The following SCYL2 variants were observed in gnomAD, a reference collection of about 807,000 sequenced individuals.
SCYL2 encodes the protein SCY1-like protein 2.
SCYL2 carries 36 observed loss-of-function variants against 100.4 expected under a neutral mutation model. The ratio of observed to expected loss-of-function variants is 0.36; its 90% CI spans 0.27 to 0.47. The LOEUF (loss-of-function observed/expected upper bound fraction) is 0.47. SCYL2 is among the 20% of genes least tolerant of loss of function. The pLI, the probability that SCYL2 is intolerant of heterozygous loss-of-function variation, is 1.00. For synonymous variants in SCYL2, 330 were observed against 359.2 expected (o/e 0.92, Z 0.92); for missense variants, 902 against 1,083.9 (o/e 0.83, Z 2.36).
At chr12:100,270,161 T>A (rs545836326) in intron 1 of SCYL2, among the ~76,000 whole-genome samples, 1 of 152,194 alleles carries the variant, frequency 6.6e-6, no homozygotes, top group Admixed American at 6.5e-5. Context: ...TAATTTTTTG[T>A]ATTTTTAGTA....
chr12:100,322,634 G>A (rs2135920493), intron 10 of SCYL2, among the ~76,000 whole-genome samples: 1 of 152,020 alleles, frequency 6.6e-6, no homozygotes, highest in South Asian at 2.1e-4. Flanking sequence ...CAAGGTAGGT[G>A]GATCACCTGA....
At chr12:100,320,833 A>G (rs750359524) in intron 10 of SCYL2, among the ~76,000 whole-genome samples, 1 of 147,470 alleles carries the variant, frequency 6.8e-6, no homozygotes, top group Non-Finnish European at 1.5e-5. Flanking sequence ...CCTTACGGGA[A>G]CATAGGAACA....
chr12:100,339,055 A>G lies in SCYL2; in HGVS notation c.2673A>G (p.Gln891=). 6.2e-7 allele frequency: 1 copy of G among 1,614,134 alleles called. No homozygotes were observed. The highest frequency in any genetic ancestry group is 8.5e-7 in the Non-Finnish European group (1 of 1,179,986). ...VMGTQMNVIG[Q]SAFGMQGNPF... ...GGACACAGATGAACGTGATAGGACA[A>G]TCTGCTTTTGGTATGCAGGGTAATC... The change falls in exon 18 of 18, where the codon CAA becomes CAG. Residue 891 remains glutamine, a synonymous_variant. Coordinates refer to ENST00000360820, the MANE Select transcript of SCYL2 (RefSeq NM_017988.6).
chr12:100,317,470 C>T (rs577530025), intron 9 of SCYL2, among the ~76,000 whole-genome samples: 1 of 152,264 alleles, frequency 6.6e-6, no homozygotes, highest in South Asian at 2.1e-4. Context: ...ATGGACTTTA[C>T]TTCTTTGGGA....
In SCYL2 at chr12:100,338,615, A is replaced by G. The variant is rs56177106; in HGVS notation, c.2233A>G (p.Thr745Ala). The G allele has an allele frequency of 1.5e-3, 2,421 of 1,613,912 alleles. 7 individuals carry two copies. Among genetic ancestry groups the G allele is most frequent in the Non-Finnish European group, 1.7e-3 (2,019 of 1,179,848 alleles). The change falls in exon 18 of 18, where the codon ACT becomes GCT. Residue 745 changes from threonine (T) to alanine (A), a missense_variant. Coordinates refer to ENST00000360820, the MANE Select transcript of SCYL2 (RefSeq NM_017988.6). ...TACCCCTAAATCTTCTGCTTCAAGT[A>G]CTTTCACTTCTGTTCCTTCCATGGG... ...VSTPKSSASS[T>A]FTSVPSMGIG...
chr12:100,321,540 A>G (rs1264169496), intron 10 of SCYL2, among the ~76,000 whole-genome samples: 2 of 152,196 alleles, frequency 1.3e-5, no homozygotes, highest in Non-Finnish European at 2.9e-5. Context: ...CTACTATGGC[A>G]CCACATTAGT....
Position 100,326,642 on chromosome 12 carries a change from G to A in SCYL2, c.1530G>A (p.Val510=), listed in dbSNP as rs774334136. 1.9e-6 allele frequency: 3 copies of A among 1,600,748 alleles called. No individual in the cohort carries two copies. Among genetic ancestry groups the A allele is most frequent in the Non-Finnish European group, 2.6e-6 (3 of 1,175,754 alleles). The change falls in exon 12 of 18, where the codon GTG becomes GTA. Residue 510 remains valine, a synonymous_variant. Transcript: ENST00000360820. ...SSLAVRVNSL[V]CLGKILEYLD... is the part of the protein sequence containing the mutation. ...AATAGGTTCGTGTAAATTCATTAGT[G>A]TGCTTAGGAAAGATTTTGGAATACT...
intron 3 of SCYL2, among the ~76,000 whole-genome samples, chr12:100,294,363 G>A (rs2096314841): frequency 1.8e-5 from 2 of 112,408 alleles, no homozygotes; most frequent in Admixed American, 8.3e-5. Context: ...CCCAGACGGG[G>A]CGGCTGGCCG....
intron 9 of SCYL2, among the ~76,000 whole-genome samples, 194 bp downstream of exon 9, chr12:100,315,928 T>C (rs1403782963): frequency 6.6e-6 from 1 of 152,234 alleles, no homozygotes; most frequent in African/African-American, 2.4e-5. Flanking sequence ...ACTTTGCAGT[T>C]AAATGTCTGT....
At chr12:100,271,598 T>C (rs180708909) in intron 1 of SCYL2, among the ~76,000 whole-genome samples, 1 of 152,350 alleles carries the variant, frequency 6.6e-6, no homozygotes, top group East Asian at 1.9e-4. Context: ...TTCTTTGTAG[T>C]CAGTGTCTAT....
In SCYL2 at chr12:100,312,576, G is replaced by T; in HGVS notation, c.775G>T (p.Val259Leu). ...TTCTTTAGGAACTGTTATGTATGCT[G>T]TATTTAATAAAGGGAAACCTATATT... Reference protein sequence around the residue: ...MYSLGTVMYAVFNKGKPIFEV... With the variant: ...MYSLGTVMYALFNKGKPIFEV... Residue 259 changes from valine to leucine, a missense_variant, in exon 6 of 18, where the codon GTA becomes TTA. By Grantham distance (32) the Val-to-Leu change is conservative (BLOSUM62 1). Coordinates refer to ENST00000360820, the MANE Select transcript of SCYL2 (RefSeq NM_017988.6). 1 of 1,612,868 alleles carries T rather than the reference G, an allele frequency of 6.2e-7. No individual in the cohort carries two copies. The highest frequency in any genetic ancestry group is 8.5e-7 in the Non-Finnish European group (1 of 1,179,102).
chr12:100,279,795 A>G (rs891617809), intron 1 of SCYL2, among the ~76,000 whole-genome samples: 3 of 152,150 alleles, frequency 2.0e-5, no homozygotes, highest in Non-Finnish European at 2.9e-5. Flanking sequence ...GAACTTTGAA[A>G]CTATTCAACT....
At chr12:100,313,026 G>T (rs1206063440) in intron 6 of SCYL2, among the ~76,000 whole-genome samples, 1 of 152,164 alleles carries the variant, frequency 6.6e-6, no homozygotes, top group Non-Finnish European at 1.5e-5. Flanking sequence ...TTGGAAGGCC[G>T]ATCAGGGTGG....
At chr12:100,271,022 A>T (rs964828976) in intron 1 of SCYL2, among the ~76,000 whole-genome samples, 2 of 151,966 alleles carry the variant, frequency 1.3e-5, no homozygotes, top group African/African-American at 4.8e-5. Flanking sequence ...TGATAATTAG[A>T]TACTCTTTGT....
At chr12:100,316,356 C>T (rs1311718108) in intron 9 of SCYL2, among the ~76,000 whole-genome samples, 1 of 152,218 alleles carries the variant, frequency 6.6e-6, no homozygotes, top group Non-Finnish European at 1.5e-5. Context: ...TCTTTATCTC[C>T]TTACTTGAAG....
chr12:100,327,066 T>G, intron 12 of SCYL2: 1 of 310,012 alleles, frequency 3.2e-6, no homozygotes, highest in Non-Finnish European at 6.1e-6. Context: ...GTCTTAGTAG[T>G]AATATCTGAG....
At chr12:100,330,476 T>C (rs963394503) in intron 13 of SCYL2, among the ~76,000 whole-genome samples, 4 of 152,176 alleles carry the variant, frequency 2.6e-5, no homozygotes, top group African/African-American at 9.7e-5. Context: ...CTTAGTGCAA[T>C]GACAGAAGCA....
In SCYL2 at chr12:100,283,215, A is replaced by G; in HGVS notation, c.177+68A>G. The G allele has an allele frequency of 5.1e-6, 7 of 1,374,974 alleles. No individual in the cohort carries two copies. In the East Asian group the frequency reaches 1.7e-4, roughly 33 times the overall value. 85.2% of individuals were successfully genotyped at this position (1,374,974 alleles called of 1,614,324 possible). ...TAAGAACCATAAAATGCATGTGTGC[A>G]TTTTTATGTTAAGAAATGCCAAAAG... On this transcript the variant is annotated intron_variant, in intron 2 of 17. Transcript: ENST00000360820.
At chr12:100,291,962 A>G in intron 3 of SCYL2, 1 of 225,582 alleles carries the variant, frequency 4.4e-6, no homozygotes. Context: ...CTTGCCTGAA[A>G]GTAGCTGTCC....
Sources: gnomAD v4.1 joint callset for allele counts (sites outside exome capture counted in the v4.1 genomes callset) on GRCh38, gnomAD v4.1.1 for gene constraint, MANE v1.5 for transcripts, NCBI Gene and HGNC (gene_info 2026-07-23, HGNC 2026-07-21) for gene names.